Variants in NXPE1 observed in about 807,000 individuals in gnomAD.
The protein encoded by NXPE1 is neurexophilin and PC-esterase domain family member 1.
NXPE1 carries 31 observed loss-of-function variants against 33.3 expected under a neutral mutation model. The ratio of observed to expected loss-of-function variants is 0.93; its 90% CI spans 0.70 to 1.26. NXPE1 has a LOEUF of 1.26. NXPE1 is among the 50% of genes most tolerant of loss of function. The pLI is 0.00. For missense variants in NXPE1, 661 were observed against 655.6 expected (o/e 1.01, Z -0.09); for synonymous variants, 229 against 231.4 (o/e 0.99, Z 0.09).
intron 7 of NXPE1, among the ~76,000 whole-genome samples, chr11:114,525,477 C>G (rs73558039): frequency 6.6e-6 from 1 of 152,064 alleles, no homozygotes; most frequent in Non-Finnish European, 1.5e-5. Context: ...TCTGCAGAGC[C>G]GGGTCCCAGA....
chr11:114,552,420 C>T (rs544030976), intron 2 of NXPE1, among the ~76,000 whole-genome samples: 21 of 152,198 alleles, frequency 1.4e-4, no homozygotes, highest in Admixed American at 2.6e-4. Flanking sequence ...TAATGTCTAT[C>T]GCAGCATTCC....
At chr11:114,557,648 TATATATATATATATATATATATATAA>T (rs1323755185) in intron 1 of NXPE1, among the ~76,000 whole-genome samples, 11 of 47,324 alleles carry the variant, frequency 2.3e-4, no homozygotes, top group Admixed American at 1.8e-3. Flanking sequence ...TATATATATA[TATATATATATATATATATATATATAA>T]AATCCTTGTT....
At chr11:114,542,337 G>A (rs2135057488) in intron 5 of NXPE1, among the ~76,000 whole-genome samples, 1 of 152,194 alleles carries the variant, frequency 6.6e-6, no homozygotes, top group Non-Finnish European at 1.5e-5. Flanking sequence ...GAAAACATTA[G>A]AATTCAGGGA....
exon 6 of NXPE1, chr11:114,530,235 A>G (rs924331367): frequency 6.2e-7 from 1 of 1,614,030 alleles, no homozygotes; most frequent in Non-Finnish European, 8.5e-7. Flanking sequence ...CCGGGTGGTC[A>G]TGTAGGTCAG....
chr11:114,537,984 C>G (rs1187554538), intron 5 of NXPE1, among the ~76,000 whole-genome samples: 1 of 152,126 alleles, frequency 6.6e-6, no homozygotes, highest in Non-Finnish European at 1.5e-5. Context: ...AATCCTAAGC[C>G]AAAAGAACAA....
intron 5 of NXPE1, among the ~76,000 whole-genome samples, chr11:114,544,456 G>A (rs183682861): frequency 2.2e-4 from 34 of 152,260 alleles, no homozygotes; most frequent in South Asian, 1.7e-3. Flanking sequence ...TTTGACATAG[G>A]CACAAAGGCA....
chr11:114,552,875 A>C lies in NXPE1; in HGVS notation c.-205T>G. The C allele has an allele frequency of 1.0e-6, 1 of 978,146 alleles. No homozygotes were observed. The highest frequency in any genetic ancestry group is 1.8e-5 in the African/African-American group (1 of 57,094). The allele number at this position is 978,146 out of a possible 1,614,324, so 60.6% of individuals were successfully genotyped here. On this transcript the variant is annotated 5_prime_UTR_variant, in exon 2 of 9. In the 5' UTR this introduces an upstream ATG that the reference lacks. Transcript: ENST00000534921. Reference sequence around the variant, plus strand: ...ACCCAATAGGTGTCAGGTAGCACAGAATGCACTGAAAATAAGGAGAAGCAG... The same window carrying C: ...ACCCAATAGGTGTCAGGTAGCACAGCATGCACTGAAAATAAGGAGAAGCAG...
rs188881802 is a variant in NXPE1 at position 114,529,473 on chromosome 11, A to G, written c.833+702T>C. On this transcript the variant is annotated intron_variant, in intron 6 of 8. Transcript: ENST00000534921. ...GGAAACCAGGAAGTGAGCCTCTGTG[A>G]GTCGGGGGAGAAAAGCATGGCATTG... The G allele has an allele frequency of 1.6e-4, 25 of 152,354 alleles. No homozygotes were observed. In the East Asian group the frequency reaches 4.4e-3, roughly 27 times the overall value. The allele number at this position is 152,354 out of a possible 1,614,324, so 9.4% of individuals were successfully genotyped here.
At chr11:114,524,546 A>G (rs1020286417) in intron 7 of NXPE1, among the ~76,000 whole-genome samples, 2 of 152,156 alleles carry the variant, frequency 1.3e-5, no homozygotes, top group Admixed American at 1.3e-4. Flanking sequence ...TAATCCTATA[A>G]TTATGTTGGA....
chr11:114,525,066 C>T (rs1947328652), intron 7 of NXPE1, among the ~76,000 whole-genome samples: 1 of 151,976 alleles, frequency 6.6e-6, no homozygotes, highest in African/African-American at 2.4e-5. Context: ...CCATCTGAAC[C>T]ACCCTTCCCT....
chr11:114,538,262 T>C (rs1383621731), intron 5 of NXPE1, among the ~76,000 whole-genome samples: 2 of 152,320 alleles, frequency 1.3e-5, no homozygotes, highest in Non-Finnish European at 2.9e-5. Context: ...TCCTTACACC[T>C]TATACAAAAA....
At chr11:114,533,798 TGGGTGGAGCCCACCACA>T (rs1947683092) in intron 5 of NXPE1, among the ~76,000 whole-genome samples, 1 of 152,208 alleles carries the variant, frequency 6.6e-6, no homozygotes, top group South Asian at 2.1e-4. Context: ...AAGCTCAAAC[TGGGTGGAGCCCACCACA>T]GCTCAAGGAG....
At chr11:114,535,510 C>A (rs1947780442) in intron 5 of NXPE1, among the ~76,000 whole-genome samples, 1 of 152,066 alleles carries the variant, frequency 6.6e-6, no homozygotes, top group Non-Finnish European at 1.5e-5. Flanking sequence ...GAGTCAAGAC[C>A]CATCAGTGTG....
exon 8 of NXPE1, chr11:114,523,088 C>G (rs377195015): frequency 2.5e-5 from 41 of 1,610,228 alleles, no homozygotes; most frequent in Non-Finnish European, 3.5e-5. Context: ...TATTTTTTCT[C>G]TCTCTGGTAA....
chr11:114,556,848 T>A (rs1222593988), intron 1 of NXPE1, among the ~76,000 whole-genome samples: 5 of 152,036 alleles, frequency 3.3e-5, no homozygotes, highest in African/African-American at 1.2e-4. Flanking sequence ...TATTTGGTTT[T>A]TATTTGTCCC....
Position 114,529,630 on chromosome 11 carries a change from T to C in NXPE1, c.833+545A>G, listed in dbSNP as rs115887249. On this transcript the variant is annotated intron_variant, in intron 6 of 8. Coordinates refer to ENST00000534921, the Ensembl canonical transcript of NXPE1. ...GGACTCCTCCACCCTGAGAGGTATA[T>C]ACTGAGGAATATCTGATCATGGGAT... The C allele has an allele frequency of 6.5e-3, 1,025 of 158,770 alleles. 14 individuals carry two copies. The highest frequency in any genetic ancestry group is 0.022 in the African/African-American group (898 of 41,552). 9.8% of individuals were successfully genotyped at this position (158,770 alleles called of 1,614,324 possible). A position where few individuals can be genotyped will look rare whatever the true frequency, so the allele number is the denominator to read the frequency against.
intron 1 of NXPE1, among the ~76,000 whole-genome samples, chr11:114,558,732 G>T (rs1171283942): frequency 6.6e-6 from 1 of 152,148 alleles, no homozygotes; most frequent in Non-Finnish European, 1.5e-5. Context: ...TGCTATGTAA[G>T]AGTACAAATT....
At chr11:114,559,602 C>T (rs1948731317) in intron 1 of NXPE1, among the ~76,000 whole-genome samples, 196 bp downstream of exon 1, 1 of 151,436 alleles carries the variant, frequency 6.6e-6, no homozygotes, top group East Asian at 1.9e-4. Context: ...GAGAGGCTCT[C>T]ACTATCAGTT....
intron 6 of NXPE1, 156 bp downstream of exon 6, chr11:114,530,019 C>A: frequency 1.4e-6 from 1 of 703,486 alleles, no homozygotes; most frequent in East Asian, 2.6e-5. Context: ...AAACTTTGGC[C>A]TAGAGTGGTG....
Sources: allele counts gnomAD v4.1 joint callset (sites outside exome capture counted in the v4.1 genomes callset), GRCh38; gene constraint gnomAD v4.1.1; transcripts MANE v1.5; gene names NCBI Gene and HGNC (gene_info 2026-07-23, HGNC 2026-07-21).